The following TSPAN15 variants were observed in gnomAD, a reference collection of about 807,000 sequenced individuals.
TSPAN15 encodes the protein tetraspanin-15.
Under a neutral mutation model 34.5 loss-of-function variants are expected in TSPAN15, and 20 were observed. The ratio of observed to expected loss-of-function variants is 0.58; its 90% confidence interval spans 0.41 to 0.84. The LOEUF (loss-of-function observed/expected upper bound fraction) is 0.84, where lower values mean the gene tolerates loss of function less well. Ranked by LOEUF, TSPAN15 falls within the 40% of genes least tolerant of loss-of-function variation. The pLI is 0.00. For missense variants in TSPAN15, 313 were observed against 386.1 expected, an observed-to-expected ratio of 0.81 and a Z score of 1.59; for synonymous variants, 155 against 153.9, an observed-to-expected ratio of 1.01 and a Z score of -0.05.
intron 2 of TSPAN15, among the ~76,000 whole-genome samples, chr10:69,484,513 G>T (rs1471203370): frequency 1.3e-5 from 2 of 152,230 alleles, no homozygotes; most frequent in Non-Finnish European, 2.9e-5. Flanking sequence ...TGAGTAGGCA[G>T]ATCCATTCAC....
chr10:69,455,636 TC>T (rs1199043978), intron 1 of TSPAN15, among the ~76,000 whole-genome samples: 39 of 95,514 alleles, frequency 4.1e-4, no homozygotes, highest in African/African-American at 7.9e-4. Context: ...CCCCCCCCCG[TC>T]TCTTTCTTTC....
intron 1 of TSPAN15, among the ~76,000 whole-genome samples, chr10:69,455,604 C>CT (rs1238794593): frequency 8.7e-6 from 1 of 115,244 alleles, no homozygotes; most frequent in African/African-American, 3.4e-5. Flanking sequence ...TTCTTTCTTT[C>CT]TTTCTCTCTC....
chr10:69,475,360 C>G (rs1042001592), intron 1 of TSPAN15, among the ~76,000 whole-genome samples: 9 of 152,154 alleles, frequency 5.9e-5, no homozygotes, highest in African/African-American at 2.2e-4. Context: ...TCCCTGTGCT[C>G]AGGGAGGGTC....
At chr10:69,546,999 A>C in the TSPAN15 span, among the ~76,000 whole-genome samples, 5,205 of 152,158 alleles carry the variant, frequency 0.034, 306 homozygotes, top group African/African-American at 0.12. Flanking sequence ...AAAAAATTTA[A>C]ATACATAATT....
At chr10:69,457,000 C>T (rs1449258100) in intron 1 of TSPAN15, among the ~76,000 whole-genome samples, 1 of 152,150 alleles carries the variant, frequency 6.6e-6, no homozygotes, top group Non-Finnish European at 1.5e-5. Context: ...ATGGGGATGT[C>T]TGCGGGAGAA....
At chr10:69,466,828 G>A (rs1032898085) in intron 1 of TSPAN15, among the ~76,000 whole-genome samples, 10 of 152,198 alleles carry the variant, frequency 6.6e-5, no homozygotes, top group African/African-American at 2.4e-4. Flanking sequence ...GTTTACAAAG[G>A]AGTTTCACCA....
the TSPAN15 span, among the ~76,000 whole-genome samples, chr10:69,518,304 G>T: frequency 2.0e-5 from 3 of 152,238 alleles, no homozygotes; most frequent in Non-Finnish European, 4.4e-5. Context: ...GAACACACAA[G>T]GACAAGGGTC....
At chr10:69,490,046 A>G (rs1484606908) in intron 3 of TSPAN15, among the ~76,000 whole-genome samples, 2 of 152,088 alleles carry the variant, frequency 1.3e-5, no homozygotes, top group Non-Finnish European at 2.9e-5. Flanking sequence ...GGGTGTGTCT[A>G]TACCCCCATC....
At chr10:69,536,754 G>A in the TSPAN15 span, among the ~76,000 whole-genome samples, 1 of 152,096 alleles carries the variant, frequency 6.6e-6, no homozygotes, top group Non-Finnish European at 1.5e-5. Context: ...AGAGGACGAG[G>A]CGGGTGGATC....
chr10:69,482,068 C>CAAAAAAAAAAA, intron 1 of TSPAN15, among the ~76,000 whole-genome samples: 1 of 120,348 alleles, frequency 8.3e-6, no homozygotes, highest in Non-Finnish European at 1.8e-5. Context: ...AAGACAAATT[C>CAAAAAAAAAAA]AAAAAAAAAA....
intron 5 of TSPAN15, among the ~76,000 whole-genome samples, 185 bp downstream of exon 5, chr10:69,498,581 C>G (rs935910081): frequency 2.6e-5 from 4 of 151,976 alleles, no homozygotes; most frequent in African/African-American, 9.7e-5. Flanking sequence ...TTCTGGGGGT[C>G]GGGGGTAGGG....
intron 1 of TSPAN15, among the ~76,000 whole-genome samples, chr10:69,462,106 GAGTAGCTAGAACCAC>G (rs1448705375): frequency 6.7e-6 from 1 of 149,986 alleles, no homozygotes; most frequent in East Asian, 2.0e-4. Context: ...TCAGCCTCCT[GAGTAGCTAGAACCAC>G]AGGCATGTGC....
At chr10:69,508,674 A>G (rs1229917182), downstream of TSPAN15, among the ~76,000 whole-genome samples, 2 of 152,118 alleles carry the variant, frequency 1.3e-5, no homozygotes, top group Non-Finnish European at 2.9e-5. Context: ...TTTGCCAGGA[A>G]CGATATTAAC....
chr10:69,496,319 G>A (rs1453607256), intron 4 of TSPAN15, among the ~76,000 whole-genome samples: 3 of 95,868 alleles, frequency 3.1e-5, no homozygotes, highest in Admixed American at 1.2e-4. Context: ...ATCTGTTGGT[G>A]CAATAATAAT....
intron 6 of TSPAN15, among the ~76,000 whole-genome samples, 156 bp downstream of exon 6, chr10:69,504,641 C>G (rs1842287338): frequency 6.6e-6 from 1 of 152,170 alleles, no homozygotes; most frequent in South Asian, 2.1e-4. Context: ...GTTTTCCACC[C>G]CAGCACAGAA....
intron 1 of TSPAN15, among the ~76,000 whole-genome samples, chr10:69,474,070 C>T (rs1841562295): frequency 6.6e-6 from 1 of 152,108 alleles, no homozygotes; most frequent in African/African-American, 2.4e-5. Flanking sequence ...CCTGATTCAG[C>T]CAGGTGTCCC....
chr10:69,483,551 C>T, intron 1 of TSPAN15, 140 bp from the exon 2 acceptor site: 5 of 847,262 alleles, frequency 5.9e-6, no homozygotes, highest in Non-Finnish European at 7.1e-6. Flanking sequence ...AAACACAGTT[C>T]AGCCGCTAAC....
downstream of TSPAN15, chr10:69,507,751 G>A (rs1354915150): frequency 3.2e-6 from 3 of 923,600 alleles, no homozygotes; most frequent in Non-Finnish European, 4.3e-6. Flanking sequence ...TTGTGGATGC[G>A]AGGATGAAGG....
intron 3 of TSPAN15, among the ~76,000 whole-genome samples, chr10:69,489,499 T>C (rs1346266323): frequency 3.3e-5 from 5 of 152,242 alleles, no homozygotes; most frequent in Non-Finnish European, 7.3e-5. Flanking sequence ...AACTGGTAAA[T>C]GTCCATGAAA....
Sources: allele counts gnomAD v4.1 joint callset (sites outside exome capture counted in the v4.1 genomes callset), GRCh38; gene constraint gnomAD v4.1.1; transcripts MANE v1.5; gene names NCBI Gene and HGNC (gene_info 2026-07-23, HGNC 2026-07-21).